Variants in DDX46 observed in about 807,000 individuals in gnomAD.
The protein encoded by DDX46 is DEAD-box helicase 46.
Under a neutral mutation model 134.9 loss-of-function variants are expected in DDX46, and 30 were observed. That is an observed-to-expected ratio of 0.22 (90% CI 0.17 to 0.30). DDX46 has a LOEUF of 0.30. DDX46 is among the 10% of genes least tolerant of loss of function. The pLI is 1.00. For synonymous variants in DDX46, 415 were observed against 404.1 expected (o/e 1.03, Z -0.32); for missense variants, 622 against 1,248.7 (o/e 0.50, Z 7.56).
chr5:134,796,656 C>A (rs927662697), intron 15 of DDX46, among the ~76,000 whole-genome samples: 12 of 151,936 alleles, frequency 7.9e-5, no homozygotes, highest in African/African-American at 2.9e-4. Context: ...AGTTGGAGAC[C>A]AGTCTGGCCA....
At chr5:134,768,010 G>C (rs760977993) in intron 3 of DDX46, among the ~76,000 whole-genome samples, 3 of 151,814 alleles carry the variant, frequency 2.0e-5, no homozygotes, top group Non-Finnish European at 4.4e-5. Flanking sequence ...TTGTTTAGCA[G>C]TGGACAGACA....
intron 15 of DDX46, among the ~76,000 whole-genome samples, chr5:134,797,573 G>A (rs1754706625): frequency 1.3e-5 from 2 of 152,178 alleles, no homozygotes; most frequent in African/African-American, 2.4e-5. Flanking sequence ...ACTGGAGTTG[G>A]CAGAGCTTTC....
chr5:134,784,603 T>G (rs1015238311), intron 10 of DDX46, 62 bp downstream of exon 10: 104 of 1,478,544 alleles, frequency 7.0e-5, no homozygotes, highest in Non-Finnish European at 9.0e-5. Flanking sequence ...CAGAAAGACC[T>G]TATAGTTTAT....
At chr5:134,780,150 ATG>A (rs1394957781) in intron 6 of DDX46, among the ~76,000 whole-genome samples, 2 of 148,886 alleles carry the variant, frequency 1.3e-5, no homozygotes, top group African/African-American at 5.0e-5. Context: ...ATATGTATAT[ATG>A]TGCATGTATA....
chr5:134,821,590 C>T (rs1267916335), intron 21 of DDX46, among the ~76,000 whole-genome samples: 2 of 147,098 alleles, frequency 1.4e-5, no homozygotes, highest in East Asian at 2.0e-4. Flanking sequence ...TGGAATGCAG[C>T]GGCGCAATTT....
chr5:134,812,320 C>T (rs1755169386), intron 18 of DDX46, among the ~76,000 whole-genome samples: 2 of 152,052 alleles, frequency 1.3e-5, no homozygotes, highest in South Asian at 4.1e-4. Flanking sequence ...TTTCCTTGGC[C>T]TCCCAAAGTG....
intron 21 of DDX46, among the ~76,000 whole-genome samples, chr5:134,825,467 C>T (rs1289817874): frequency 6.6e-6 from 1 of 152,130 alleles, no homozygotes; most frequent in East Asian, 1.9e-4. Context: ...CCGTCTCTGT[C>T]TCTCTCTGGG....
rs1292606189 is a variant in DDX46, at chr5:134,830,677, A to T, written c.*1971A>T. ...TCTTGGATCCTTCACACATCCACTTAATTTCTTGAAGGAAGAAAACAGACA... is the reference window on the plus strand; with the variant it reads ...TCTTGGATCCTTCACACATCCACTTTATTTCTTGAAGGAAGAAAACAGACA... On this transcript the variant is annotated 3_prime_UTR_variant, in exon 23 of 23. Transcript: ENST00000452510. 6.6e-6 allele frequency: 1 copy of T among 152,662 alleles called. No homozygotes were observed. Among genetic ancestry groups the T allele is most frequent in the South Asian group, 2.1e-4 (1 of 4,824 alleles). 9.5% of individuals were successfully genotyped at this position (152,662 alleles called of 1,614,324 possible). A position where few individuals can be genotyped will look rare whatever the true frequency, so the allele number is the denominator to read the frequency against.
intron 11 of DDX46, among the ~76,000 whole-genome samples, chr5:134,788,289 T>C (rs1477143561): frequency 6.6e-6 from 1 of 152,084 alleles, no homozygotes; most frequent in Non-Finnish European, 1.5e-5. Context: ...TGAGGGATAG[T>C]GGCAAATCAA....
In DDX46 at chr5:134,785,597, A is replaced by G. The variant is rs1189068591; in HGVS notation, c.1464+11A>G. ...GGAATCAGTGAGCAGGTAGTTATAT[A>G]AGAAACATTCATGTTTTCCATTCTT... On this transcript the variant is annotated intron_variant, in intron 11 of 22. Coordinates refer to ENST00000452510, the MANE Select transcript of DDX46 (RefSeq NM_001300860.2). 3.8e-6 allele frequency: 6 copies of G among 1,595,554 alleles called. No homozygotes were observed. Among genetic ancestry groups the G allele is most frequent in the Non-Finnish European group, 4.3e-6 (5 of 1,173,124 alleles).
rs1561857159 is a variant in DDX46 at position 134,779,017 on chromosome 5, T to C, written c.765+1292T>C. ...CTTCAAGTGATTCTTCTGCCTCAGCTTCCTGAGTAGCTGGGATTACAGGCC... is the reference window on the plus strand; with the variant it reads ...CTTCAAGTGATTCTTCTGCCTCAGCCTCCTGAGTAGCTGGGATTACAGGCC... On this transcript the variant is annotated intron_variant, in intron 6 of 22. Coordinates refer to ENST00000452510, the MANE Select transcript of DDX46 (RefSeq NM_001300860.2). 2.0e-5 allele frequency among the ~76,000 whole-genome samples: 3 copies of C among 151,696 alleles called. No homozygotes were observed. The South Asian group carries it at 6.3e-4, about 32-fold the overall frequency.
rs1753903492 is a variant in DDX46, at chr5:134,775,427, A to G, written c.613+1566A>G. Among the ~76,000 whole-genome samples, 3 of 151,718 alleles carry G rather than the reference A, an allele frequency of 2.0e-5. No homozygotes were observed. The South Asian group carries it at 6.2e-4, about 31-fold the overall frequency. The stretch of plus-strand genomic sequence containing the variant: ...TAGATTCTATCTATAAGTAGTCATG[A>G]TGTCTTTTTTTTTTCGCTCTGTTGC... On this transcript the variant is annotated intron_variant, in intron 5 of 22. Transcript: ENST00000452510.
intron 4 of DDX46, among the ~76,000 whole-genome samples, chr5:134,772,281 C>T (rs935958197): frequency 1.3e-5 from 2 of 151,222 alleles, no homozygotes; most frequent in African/African-American, 2.4e-5. Context: ...CTCAGCAGTT[C>T]GGGAGGCCAA....
chr5:134,760,342 A>G (rs996083528), intron 1 of DDX46, among the ~76,000 whole-genome samples: 2 of 152,170 alleles, frequency 1.3e-5, no homozygotes, highest in African/African-American at 4.8e-5. Context: ...GGGAAGGCGC[A>G]AGGTGTTAGA....
At chr5:134,759,176 C>G (rs1753299002) in intron 1 of DDX46, among the ~76,000 whole-genome samples, 1 of 152,200 alleles carries the variant, frequency 6.6e-6, no homozygotes, top group South Asian at 2.1e-4. Flanking sequence ...GTTCGAGCCC[C>G]TGGAGCGGGA....
chr5:134,780,142 ATG>A (rs1299716639), intron 6 of DDX46, among the ~76,000 whole-genome samples: 18 of 139,068 alleles, frequency 1.3e-4, no homozygotes, highest in African/African-American at 4.9e-4. Context: ...GTGTGTGTAT[ATG>A]TATATATGTG....
intron 1 of DDX46, among the ~76,000 whole-genome samples, chr5:134,763,302 T>A (rs142161195): frequency 3.1e-4 from 47 of 152,292 alleles, no homozygotes; most frequent in African/African-American, 1.1e-3. Context: ...TAGATTTTCA[T>A]CTTGGTGTAA....
At chr5:134,759,387 G>A (rs1222083668) in intron 1 of DDX46, among the ~76,000 whole-genome samples, 10 of 152,198 alleles carry the variant, frequency 6.6e-5, no homozygotes, top group Non-Finnish European at 1.5e-4. Context: ...AGGAGCGTGT[G>A]GGCAGACATT....
intron 1 of DDX46, among the ~76,000 whole-genome samples, chr5:134,759,928 ATTC>A (rs1347092302): frequency 2.0e-5 from 3 of 152,180 alleles, no homozygotes; most frequent in Non-Finnish European, 2.9e-5. Context: ...TATTTGACTC[ATTC>A]TTCTCTCTCA....
Sources: gnomAD v4.1 joint callset for allele counts (sites outside exome capture counted in the v4.1 genomes callset) on GRCh38, gnomAD v4.1.1 for gene constraint, MANE v1.5 for transcripts, NCBI Gene and HGNC (gene_info 2026-07-23, HGNC 2026-07-21) for gene names.